The following TSPAN12 variants were observed in gnomAD, a reference collection of about 807,000 sequenced individuals.
TSPAN12 encodes tetraspanin-12.
In TSPAN12, 19 loss-of-function variants were observed where a neutral mutation model predicts 39.2. That is an observed-to-expected ratio of 0.49 (90% confidence interval 0.34 to 0.71). The LOEUF (loss-of-function observed/expected upper bound fraction) is 0.71. TSPAN12 is among the 30% of genes least tolerant of loss of function. The pLI is 0.01. For synonymous variants in TSPAN12, 119 were observed against 124.8 expected (o/e 0.95, Z 0.31); for missense variants, 314 against 359.9 (o/e 0.87, Z 1.03).
chr7:120,831,068 G>C (rs1422822106), intron 4 of TSPAN12, among the ~76,000 whole-genome samples: 1 of 151,848 alleles, frequency 6.6e-6, no homozygotes, highest in Non-Finnish European at 1.5e-5. Context: ...ATCACTGTTA[G>C]GAAAACACAA....
rs898334368 is a variant in TSPAN12 at position 120,788,464 on chromosome 7, G to T, written c.*128C>A. The T allele has an allele frequency of 2.7e-6, 3 of 1,111,240 alleles. No individual in the cohort carries two copies. Among genetic ancestry groups the T allele is most frequent in the Non-Finnish European group, 4.0e-6 (3 of 749,966 alleles). 68.8% of individuals were successfully genotyped at this position (1,111,240 alleles called of 1,614,324 possible). Reference sequence around the variant, plus strand: ...CATCCTCATTTTAAAGCATAGAATAGTATATGCTTAGGTGTTATTTTATGG... The same window carrying T: ...CATCCTCATTTTAAAGCATAGAATATTATATGCTTAGGTGTTATTTTATGG... On this transcript the variant is annotated 3_prime_UTR_variant, in exon 8 of 8. Coordinates refer to ENST00000222747, the MANE Select transcript of TSPAN12 (RefSeq NM_012338.4).
intron 2 of TSPAN12, among the ~76,000 whole-genome samples, chr7:120,848,404 ATAAT>A (rs1393803818): frequency 6.6e-6 from 1 of 152,202 alleles, no homozygotes; most frequent in African/African-American, 2.4e-5. Flanking sequence ...GAATGAGAAA[ATAAT>A]TAAATTAAAG....
chr7:120,811,232 T>A (rs1793975128), intron 5 of TSPAN12, among the ~76,000 whole-genome samples: 2 of 152,122 alleles, frequency 1.3e-5, no homozygotes, highest in African/African-American at 4.8e-5. Flanking sequence ...GATCCAGCAA[T>A]CCCACTACTA....
At position 120,852,099 on chromosome 7, in the gene TSPAN12, TA is replaced by T. The variant is rs369319754; in HGVS notation, c.66+4598del. ...AGTACTCAAGATATACTTTTTAACTTAAAAAAAAAACTCTCAGTTTGATTTT... is the reference window on the plus strand; with the variant it reads ...AGTACTCAAGATATACTTTTTAACTTAAAAAAAAACTCTCAGTTTGATTTT... On this transcript the variant is annotated intron_variant, in intron 2 of 7. Transcript: ENST00000222747. Among the ~76,000 whole-genome samples, 1,056 of 149,184 alleles carry T rather than the reference TA, an allele frequency of 7.1e-3. 8 individuals are homozygous for T. The highest frequency in any genetic ancestry group is 0.024 in the African/African-American group (982 of 40,774).
At chr7:120,826,741 G>C (rs1370564087) in intron 4 of TSPAN12, among the ~76,000 whole-genome samples, 1 of 151,838 alleles carries the variant, frequency 6.6e-6, no homozygotes, top group Non-Finnish European at 1.5e-5. Flanking sequence ...ATTTTTTTTG[G>C]AGACAGAGTC....
chr7:120,805,761 C>T (rs1793860430), intron 7 of TSPAN12, among the ~76,000 whole-genome samples: 1 of 152,052 alleles, frequency 6.6e-6, no homozygotes, highest in Non-Finnish European at 1.5e-5. Flanking sequence ...TGAGATGTAG[C>T]TAGTGCAACA....
At chr7:120,857,376 CG>C in intron 1 of TSPAN12, 1 of 152,462 alleles carries the variant, frequency 6.6e-6, no homozygotes, top group South Asian at 1.9e-4. Flanking sequence ...GGCGGCGGGG[CG>C]GGGGCGGGGG....
intron 7 of TSPAN12, among the ~76,000 whole-genome samples, chr7:120,796,158 GC>G (rs1793625076): frequency 6.6e-6 from 1 of 152,180 alleles, no homozygotes; most frequent in Non-Finnish European, 1.5e-5. Flanking sequence ...GCCTGAAGGA[GC>G]AGAGTTTATT....
chr7:120,815,261 A>G (rs1375719469), intron 5 of TSPAN12, among the ~76,000 whole-genome samples: 1 of 152,198 alleles, frequency 6.6e-6, no homozygotes, highest in African/African-American at 2.4e-5. Context: ...TAGCATAAAC[A>G]TTCAAATTAA....
Position 120,838,901 on chromosome 7 carries a change from G to A in TSPAN12, c.161C>T (p.Ala54Val). 6.2e-7 allele frequency: 1 copy of A among 1,613,876 alleles called. No individual in the cohort carries two copies. Among genetic ancestry groups the A allele is most frequent in the Non-Finnish European group, 8.5e-7 (1 of 1,179,928 alleles). Residue 54 changes from alanine to valine, a missense_variant, in exon 4 of 8, where the codon GCA becomes GTA. Ala to Val is a moderately conservative substitution (Grantham distance 64). Transcript: ENST00000222747. Reference sequence around the variant, plus strand: ...CACAGGAAAGTAAGTCAAAATGACTGCTTCCTCTACCCTGAAAGAAGAAAA... The same window carrying A: ...CACAGGAAAGTAAGTCAAAATGACTACTTCCTCTACCCTGAAAGAAGAAAA... ...TLTAETRVEEAVILTYFPVVH... is the reference protein window; with the variant it reads ...TLTAETRVEEVVILTYFPVVH...
Position 120,827,380 on chromosome 7 carries a change from A to G in TSPAN12, c.285+11397T>C, listed in dbSNP as rs981783217. ...TTCATTGATAAATATATTCATGCAC[A>G]TACACTTTGTTCCTAAACCATAAAT... On this transcript the variant is annotated intron_variant, in intron 4 of 7. Coordinates refer to ENST00000222747, the MANE Select transcript of TSPAN12 (RefSeq NM_012338.4). Among the ~76,000 whole-genome samples the G allele has an allele frequency of 2.0e-5, 3 of 152,340 alleles. No homozygotes were observed. The Middle Eastern group carries it at 0.01, about 518-fold the overall frequency.
At position 120,840,078 on chromosome 7, in the gene TSPAN12, G is replaced by A; in HGVS notation, c.98C>T (p.Ala33Val). The part of the protein sequence containing the change: ...LMSISVLAVS[A>V]WMRDYLNNVL... ...ATTATTTAGGTAGTCCCTCATCCAAGCAGAAACTGCCAACACACTGATGGA... is the reference window on the plus strand; with the variant it reads ...ATTATTTAGGTAGTCCCTCATCCAAACAGAAACTGCCAACACACTGATGGA... Residue 33 changes from alanine (A) to valine (V), a missense_variant, in exon 3 of 8, where the codon GCT becomes GTT. Transcript: ENST00000222747. 1.9e-6 allele frequency: 3 copies of A among 1,613,814 alleles called. No individual in the cohort carries two copies. The highest frequency in any genetic ancestry group is 2.5e-6 in the Non-Finnish European group (3 of 1,179,810).
intron 2 of TSPAN12, among the ~76,000 whole-genome samples, chr7:120,851,051 G>A (rs1794760808): frequency 6.6e-6 from 1 of 152,160 alleles, no homozygotes; most frequent in Admixed American, 6.6e-5. Flanking sequence ...TTGTTGGAGG[G>A]CTTTCCACTA....
At chr7:120,807,173 C>G (rs544951341) in intron 6 of TSPAN12, among the ~76,000 whole-genome samples, 2 of 152,200 alleles carry the variant, frequency 1.3e-5, no homozygotes, top group Non-Finnish European at 2.9e-5. Flanking sequence ...AGTTAGCAGA[C>G]ATCGATTCCT....
chr7:120,825,174 A>G, intron 4 of TSPAN12, among the ~76,000 whole-genome samples: 1 of 152,186 alleles, frequency 6.6e-6, no homozygotes, highest in East Asian at 1.9e-4. Context: ...TGTGCAAGCA[A>G]GCAGATAATT....
At chr7:120,790,963 T>C (rs1445563375) in intron 7 of TSPAN12, among the ~76,000 whole-genome samples, 1 of 152,142 alleles carries the variant, frequency 6.6e-6, no homozygotes, top group Non-Finnish European at 1.5e-5. Context: ...AGTACAAAAA[T>C]GGACTTTTAG....
In TSPAN12 at chr7:120,788,917, TCAA is replaced by T; in HGVS notation, c.613-23_613-21del. 6 of 1,613,272 alleles carry T rather than the reference TCAA, an allele frequency of 3.7e-6. No individual in the cohort carries two copies. Among genetic ancestry groups the T allele is most frequent in the Non-Finnish European group, 5.1e-6 (6 of 1,179,704 alleles). ...ACAACCCTGTAAAAGAAATACATGGTCAACATTACTTTAGATATGTTACAGAAG... is the reference window on the plus strand; with the variant it reads ...ACAACCCTGTAAAAGAAATACATGGTCATTACTTTAGATATGTTACAGAAG... On this transcript the variant is annotated intron_variant, in intron 7 of 7. Coordinates refer to ENST00000222747, the MANE Select transcript of TSPAN12 (RefSeq NM_012338.4).
Position 120,815,808 on chromosome 7 carries a change from A to C in TSPAN12, c.286-5T>G. ...GACAAGCAAACTTCCAAAGTACTGT[A>C]GAAAAACAGAAAAGTATGCTGTTAT... On this transcript the variant is annotated splice_polypyrimidine_tract_variant and splice_region_variant and intron_variant, in intron 4 of 7. Transcript: ENST00000222747. 6.2e-7 allele frequency: 1 copy of C among 1,610,358 alleles called. No individual in the cohort carries two copies. Among genetic ancestry groups the C allele is most frequent in the Non-Finnish European group, 8.5e-7 (1 of 1,178,388 alleles).
At chr7:120,822,694 G>T (rs1358696699) in intron 4 of TSPAN12, among the ~76,000 whole-genome samples, 1 of 151,966 alleles carries the variant, frequency 6.6e-6, no homozygotes, top group Non-Finnish European at 1.5e-5. Flanking sequence ...CCCCACTTAG[G>T]AAGAAGTTAG....
Sources: allele counts gnomAD v4.1 joint callset (sites outside exome capture counted in the v4.1 genomes callset), GRCh38; gene constraint gnomAD v4.1.1; transcripts MANE v1.5; gene names NCBI Gene and HGNC (gene_info 2026-07-23, HGNC 2026-07-21).